The following PHKB variants were observed in gnomAD, a reference collection of about 807,000 sequenced individuals.
The protein encoded by PHKB is phosphorylase kinase regulatory subunit beta.
Under a neutral mutation model 152.1 loss-of-function variants are expected in PHKB, and 122 were observed. The observed-to-expected ratio is 0.80, with a 90% CI of 0.69 to 0.93. PHKB has a LOEUF of 0.93. Ranked by LOEUF, PHKB falls within the 40% of genes least tolerant of loss-of-function variation. The pLI is 0.00. For missense variants in PHKB, 1,304 were observed against 1,328.4 expected (o/e 0.98, Z 0.29); for synonymous variants, 436 against 464.9 (o/e 0.94, Z 0.80).
chr16:47,669,381 CTG>C lies in PHKB; in HGVS notation c.2595_2596del (p.Glu866ValfsTer20). 1 of 1,614,128 alleles carries C rather than the reference CTG, an allele frequency of 6.2e-7. No homozygotes were observed. The highest frequency in any genetic ancestry group is 8.5e-7 in the Non-Finnish European group (1 of 1,179,992). ...ATTGGCTGGATCATCTCCAATAACC[CTG>C]AGTTATTCAGTGGCATGCTGAAAAT... is the stretch of plus-strand genomic sequence containing the variant. On this transcript the variant is annotated frameshift_variant, in exon 26 of 31. Coordinates refer to ENST00000323584, the MANE Select transcript of PHKB (RefSeq NM_000293.3). LOFTEE classifies it high-confidence loss of function.
At chr16:47,607,987 A>G (rs562364503) in intron 13 of PHKB, among the ~76,000 whole-genome samples, 22 of 152,012 alleles carry the variant, frequency 1.4e-4, no homozygotes, top group African/African-American at 4.6e-4. Context: ...TCTCCTTTGG[A>G]GAAAAGCCTA....
chr16:47,689,008 T>C (rs764646447), intron 26 of PHKB, 33 bp from the exon 27 acceptor site: 1 of 1,611,958 alleles, frequency 6.2e-7, no homozygotes, highest in Non-Finnish European at 8.5e-7. Flanking sequence ...ATTTCAAGAG[T>C]TATTGATTCA....
chr16:47,675,458 C>T (rs941568590), intron 26 of PHKB: 16 of 151,848 alleles, frequency 1.1e-4, no homozygotes, highest in African/African-American at 3.6e-4. Context: ...CTCAAGGTGC[C>T]GTAGGAGGAA....
intron 25 of PHKB, chr16:47,665,899 T>A (rs1283262102): frequency 7.1e-7 from 1 of 1,406,608 alleles, no homozygotes; most frequent in South Asian, 1.2e-5. Flanking sequence ...TCCTCATCTT[T>A]TAGATTTGTG....
At chr16:47,586,291 C>G (rs1232938267) in intron 8 of PHKB, among the ~76,000 whole-genome samples, 1 of 152,170 alleles carries the variant, frequency 6.6e-6, no homozygotes, top group Non-Finnish European at 1.5e-5. Flanking sequence ...GTCTGTTTTC[C>G]TGAAAGCAGA....
At chr16:47,673,605 T>TA (rs1362143254) in intron 26 of PHKB, among the ~76,000 whole-genome samples, 3 of 152,126 alleles carry the variant, frequency 2.0e-5, no homozygotes, top group Non-Finnish European at 4.4e-5. Flanking sequence ...CAGGTTGCCT[T>TA]ACAATCGTAC....
chr16:47,488,177 T>C (rs1012279381), intron 1 of PHKB, among the ~76,000 whole-genome samples: 2 of 152,218 alleles, frequency 1.3e-5, no homozygotes, highest in African/African-American at 4.8e-5. Context: ...GAATTGCATT[T>C]CTCTAATAAT....
chr16:47,547,841 G>A, intron 7 of PHKB: 8 of 352,414 alleles, frequency 2.3e-5, no homozygotes, highest in East Asian at 7.2e-5. Flanking sequence ...GCTCAACCAA[G>A]TCATTTTCTT....
intron 10 of PHKB, among the ~76,000 whole-genome samples, chr16:47,592,112 G>A (rs1185197071): frequency 6.6e-6 from 1 of 152,224 alleles, no homozygotes; most frequent in Non-Finnish European, 1.5e-5. Flanking sequence ...TGGCCACAAT[G>A]TCAGTAGTGC....
chr16:47,634,766 A>G (rs897782982), intron 14 of PHKB, among the ~76,000 whole-genome samples: 4 of 152,236 alleles, frequency 2.6e-5, no homozygotes, highest in Non-Finnish European at 5.9e-5. Context: ...TGGCTAAAAC[A>G]TGGTGAAGAA....
At chr16:47,557,611 C>G (rs1469872457) in intron 7 of PHKB, among the ~76,000 whole-genome samples, 2 of 152,154 alleles carry the variant, frequency 1.3e-5, no homozygotes, top group East Asian at 3.8e-4. Context: ...GACATTTATG[C>G]AGCCAAAAAG....
At chr16:47,541,591 G>T (rs891948963) in intron 6 of PHKB, among the ~76,000 whole-genome samples, 1 of 152,206 alleles carries the variant, frequency 6.6e-6, no homozygotes, top group Non-Finnish European at 1.5e-5. Context: ...CACAATGGTT[G>T]AACTAGTTTA....
intron 13 of PHKB, among the ~76,000 whole-genome samples, chr16:47,605,598 C>G (rs1972307928): frequency 6.6e-6 from 1 of 152,130 alleles, no homozygotes; most frequent in Non-Finnish European, 1.5e-5. Context: ...AATTTACTGC[C>G]TATCTAGAAT....
intron 6 of PHKB, among the ~76,000 whole-genome samples, chr16:47,539,331 C>A (rs1597066710): frequency 6.6e-6 from 1 of 151,766 alleles, no homozygotes; most frequent in African/African-American, 2.4e-5. Context: ...GTTGACCCAA[C>A]ATGGAACTGG....
intron 14 of PHKB, among the ~76,000 whole-genome samples, chr16:47,638,210 A>G (rs1972956073): frequency 6.6e-6 from 1 of 152,208 alleles, no homozygotes; most frequent in Admixed American, 6.5e-5. Flanking sequence ...GGGAAGAACT[A>G]GCCATATAAA....
intron 14 of PHKB, 106 bp downstream of exon 14, chr16:47,611,026 G>T: frequency 1.4e-6 from 1 of 736,778 alleles, no homozygotes; most frequent in South Asian, 1.5e-5. Context: ...CCTTCTGACG[G>T]AAAGGTTTCT....
intron 7 of PHKB, chr16:47,566,053 G>T: frequency 1.5e-6 from 1 of 669,862 alleles, no homozygotes; most frequent in Non-Finnish European, 2.7e-6. Flanking sequence ...TCATCCCTGT[G>T]GTACCCACTG....
chr16:47,678,540 A>G (rs1453501640), intron 26 of PHKB, among the ~76,000 whole-genome samples: 2 of 151,766 alleles, frequency 1.3e-5, no homozygotes, highest in East Asian at 3.9e-4. Context: ...GCATTTTTTC[A>G]TGTGTTTTTT....
At chr16:47,526,639 A>T (rs1274579367) in intron 6 of PHKB, among the ~76,000 whole-genome samples, 1 of 152,190 alleles carries the variant, frequency 6.6e-6, no homozygotes, top group Admixed American at 6.5e-5. Flanking sequence ...AAAAGAAAAA[A>T]AAATAGCTTT....
Sources: allele counts gnomAD v4.1 joint callset (sites outside exome capture counted in the v4.1 genomes callset), GRCh38; gene constraint gnomAD v4.1.1; transcripts MANE v1.5; gene names NCBI Gene and HGNC (gene_info 2026-07-23, HGNC 2026-07-21).